Variants in ERGIC1 observed in about 807,000 individuals in gnomAD.
ERGIC1 encodes endoplasmic reticulum-golgi intermediate compartment 1, also known as endoplasmic reticulum-Golgi intermediate compartment protein 1.
Under a neutral mutation model 38.3 loss-of-function variants are expected in ERGIC1, and 19 were observed. The observed-to-expected ratio is 0.50, with a 90% CI of 0.35 to 0.73. ERGIC1 has a LOEUF of 0.73. Among genes scored for constraint, ERGIC1 ranks in the 30% least tolerant of loss-of-function variants. ERGIC1 has a pLI of 0.01. For missense variants in ERGIC1, 294 were observed against 389.2 expected (o/e 0.76, Z 2.06); for synonymous variants, 124 against 157.6 (o/e 0.79, Z 1.60).
intron 9 of ERGIC1, among the ~76,000 whole-genome samples, chr5:172,938,844 ACC>A (rs1581587784): frequency 6.6e-6 from 1 of 151,894 alleles, no homozygotes; most frequent in East Asian, 1.9e-4. Context: ...CGGGCGGATC[ACC>A]AGGTCGGGAG....
intron 9 of ERGIC1, among the ~76,000 whole-genome samples, chr5:172,942,197 AAAT>A (rs1220303637): frequency 2.0e-5 from 3 of 152,152 alleles, no homozygotes; most frequent in Admixed American, 6.5e-5. Context: ...CCGTCTCAAA[AAAT>A]AATAATAATA....
chr5:172,840,340 CT>C (rs1302340847), intron 1 of ERGIC1, among the ~76,000 whole-genome samples: 1 of 152,098 alleles, frequency 6.6e-6, no homozygotes, highest in Admixed American at 6.6e-5. Flanking sequence ...TCTGGTAATC[CT>C]TTCGTATTTT....
intron 7 of ERGIC1, chr5:172,931,000 C>T (rs955896810): frequency 1.3e-5 from 2 of 152,204 alleles, no homozygotes; most frequent in Admixed American, 6.5e-5. Flanking sequence ...TCAAGAAGCA[C>T]TTCCTTTGCT....
At chr5:172,911,402 T>A (rs10062748) in intron 4 of ERGIC1, among the ~76,000 whole-genome samples, 102,748 of 151,966 alleles carry the variant, frequency 0.68, 35,260 homozygotes, top group Non-Finnish European at 0.74. Flanking sequence ...GGACTGGGAC[T>A]AGTGTGGTAG....
intron 9 of ERGIC1, among the ~76,000 whole-genome samples, chr5:172,940,175 G>A (rs553386136): frequency 6.6e-6 from 1 of 152,244 alleles, no homozygotes; most frequent in African/African-American, 2.4e-5. Context: ...CAAGTGTTTA[G>A]TACCTGGCTG....
At chr5:172,931,897 C>T (rs781090144) in intron 7 of ERGIC1, among the ~76,000 whole-genome samples, 3 of 138,916 alleles carry the variant, frequency 2.2e-5, no homozygotes, top group African/African-American at 5.4e-5. Context: ...CTTGCTCTAT[C>T]GCCCAGGCTG....
At chr5:172,942,831 T>C (rs1458870003) in intron 9 of ERGIC1, among the ~76,000 whole-genome samples, 1 of 152,200 alleles carries the variant, frequency 6.6e-6, no homozygotes, top group African/African-American at 2.4e-5. Context: ...GTTTTTATAG[T>C]TGCAGAGCTT....
At chr5:172,863,504 G>A (rs1446878380) in intron 1 of ERGIC1, among the ~76,000 whole-genome samples, 6 of 152,114 alleles carry the variant, frequency 3.9e-5, no homozygotes, top group East Asian at 1.9e-4. Context: ...ACCCTTGGGC[G>A]CGATCAGCCG....
rs2113500981 is a variant in ERGIC1, at chr5:172,837,112, G to A, written c.20+2679G>A. On this transcript the variant is annotated intron_variant, in intron 1 of 9. Coordinates refer to ENST00000393784, the MANE Select transcript of ERGIC1 (RefSeq NM_001031711.3). This position sits in a 1 kb window ranked among gnomAD's most constrained non-coding sequence, Gnocchi z 4.3. Reference sequence around the variant, plus strand: ...ACCTCCTCCCCCAGTTCAAGGCCAGGGAGAAAACCAGCCGTCCTGCTCGTG... The same window carrying A: ...ACCTCCTCCCCCAGTTCAAGGCCAGAGAGAAAACCAGCCGTCCTGCTCGTG... Among the ~76,000 whole-genome samples the A allele has an allele frequency of 6.6e-6, 1 of 152,280 alleles. No homozygotes were observed. The highest frequency in any genetic ancestry group is 1.9e-4 in the East Asian group (1 of 5,178).
intron 2 of ERGIC1, among the ~76,000 whole-genome samples, chr5:172,894,930 T>A (rs938271307): frequency 6.6e-6 from 1 of 152,250 alleles, no homozygotes; most frequent in Non-Finnish European, 1.5e-5. Context: ...GATAGATCAA[T>A]CAATCGATCA....
intron 1 of ERGIC1, 113 bp from the exon 2 acceptor site, chr5:172,888,586 G>C: frequency 1.2e-6 from 1 of 855,604 alleles, no homozygotes; most frequent in Non-Finnish European, 2.0e-6. Flanking sequence ...GAAAAACTGT[G>C]GGAAGAACCA....
At chr5:172,938,871 G>A (rs1763943522) in intron 9 of ERGIC1, among the ~76,000 whole-genome samples, 1 of 152,080 alleles carries the variant, frequency 6.6e-6, no homozygotes, top group Non-Finnish European at 1.5e-5. Context: ...AGACCAGCCT[G>A]ACCAACATTG....
chr5:172,914,572 A>T, intron 4 of ERGIC1, 142 bp from the exon 5 acceptor site: 1 of 1,367,984 alleles, frequency 7.3e-7, no homozygotes. Flanking sequence ...TAGTCTTTGG[A>T]CCCCAGACCA....
chr5:172,881,886 C>T (rs1022025908), intron 1 of ERGIC1, among the ~76,000 whole-genome samples: 1 of 152,224 alleles, frequency 6.6e-6, no homozygotes, highest in African/African-American at 2.4e-5. Context: ...ACCCCTTTCC[C>T]TCCTCCATTC....
chr5:172,896,708 T>C (rs1050533955), intron 2 of ERGIC1, among the ~76,000 whole-genome samples: 1 of 152,262 alleles, frequency 6.6e-6, no homozygotes, highest in Admixed American at 6.5e-5. Context: ...GTTTGCAGCC[T>C]CTACTTTTGG....
chr5:172,899,356 C>T (rs558012291), intron 3 of ERGIC1, among the ~76,000 whole-genome samples: 4 of 128,604 alleles, frequency 3.1e-5, no homozygotes, highest in East Asian at 2.3e-4. Flanking sequence ...CTCGCTCTGT[C>T]GTCCAGGCTG....
At chr5:172,897,764 T>A (rs1037038927) in intron 3 of ERGIC1, 7 of 413,496 alleles carry the variant, frequency 1.7e-5, no homozygotes, top group African/African-American at 1.4e-4. Context: ...GGGTACAGCT[T>A]CCTACCGGAG....
intron 1 of ERGIC1, among the ~76,000 whole-genome samples, chr5:172,838,866 A>G (rs563621992): frequency 3.9e-5 from 6 of 152,194 alleles, no homozygotes; most frequent in African/African-American, 1.4e-4. Context: ...AGCTAACATG[A>G]ATGCCTGTAT....
At chr5:172,863,194 G>A (rs1254187701) in intron 1 of ERGIC1, among the ~76,000 whole-genome samples, 5 of 152,128 alleles carry the variant, frequency 3.3e-5, no homozygotes, top group Non-Finnish European at 5.9e-5. Flanking sequence ...CAAGTGATCC[G>A]CCCACCTCGG....
Sources: gnomAD v4.1 joint callset for allele counts (sites outside exome capture counted in the v4.1 genomes callset) on GRCh38, gnomAD v4.1.1 for gene constraint, Gnocchi (gnomAD v3.1) non-coding constraint, MANE v1.5 for transcripts, NCBI Gene and HGNC (gene_info 2026-07-23, HGNC 2026-07-21) for gene names.